The following CHORDC1 variants were observed in gnomAD, a reference collection of about 807,000 sequenced individuals.
CHORDC1 encodes the protein cysteine and histidine rich domain containing 1, also known as cysteine and histidine-rich domain-containing protein 1.
Under a neutral mutation model 48.3 loss-of-function variants are expected in CHORDC1, and 25 were observed. The ratio of observed to expected loss-of-function variants is 0.52; its 90% CI spans 0.38 to 0.72. CHORDC1 has a LOEUF of 0.72. Among genes scored for constraint, CHORDC1 ranks in the 30% least tolerant of loss-of-function variants. The probability of loss-of-function intolerance (pLI) is 0.00; values close to 1 mark genes in which losing one functional copy is unlikely to be tolerated. For synonymous variants in CHORDC1, 128 were observed against 126.4 expected, an observed-to-expected ratio of 1.01 and a Z score of -0.09; for missense variants, 317 against 388.7, an observed-to-expected ratio of 0.82 and a Z score of 1.55.
intron 2 of CHORDC1, chr11:90,216,698 G>A (rs1858021419): frequency 6.6e-6 from 2 of 301,542 alleles, no homozygotes; most frequent in Non-Finnish European, 1.3e-5. Flanking sequence ...TGGACCAAAT[G>A]ATCAGAAAGT....
chr11:90,214,031 T>C lies in CHORDC1; in HGVS notation c.316A>G (p.Ile106Val). Residue 106 changes from isoleucine (I) to valine (V), a missense_variant, in exon 4 of 11, where the codon ATA (isoleucine) becomes GTA (valine). Physicochemically the swap from Ile to Val is conservative, Grantham distance 29. Transcript: ENST00000320585. ...TATAAAGTATACCTTGGTCTTTTTA[T>C]TGCTTCTACTGGCTTAGGGGCTTGA... ...IIQAPKPVEA[I>V]KRPSPDEPMT... is the part of the protein sequence containing the mutation. The C allele has an allele frequency of 6.2e-7, 1 of 1,611,352 alleles. No individual in the cohort carries two copies. Among genetic ancestry groups the C allele is most frequent in the Non-Finnish European group, 8.5e-7 (1 of 1,178,926 alleles).
At chr11:90,206,750 A>G (rs1857701740) in intron 6 of CHORDC1, 1 of 1,260,528 alleles carries the variant, frequency 7.9e-7, no homozygotes, top group Non-Finnish European at 1.0e-6. Flanking sequence ...CTGCAGACCT[A>G]TATATATATC....
chr11:90,203,409 A>C lies in CHORDC1; in HGVS notation c.688T>G (p.Cys230Gly), dbSNP rs768047911. 6.4e-7 allele frequency: 1 copy of C among 1,569,104 alleles called. No homozygotes were observed. Among genetic ancestry groups the C allele is most frequent in the African/African-American group, 1.3e-5 (1 of 74,490 alleles). ...CCAGTCTGATGCCAGTCATGTCTAC[A>C]TGGAACAACTTTTTTCCCCTGTAAT... ...KKDAGKKVVP[C>G]RHDWHQTGGE... Residue 230 changes from cysteine (C) to glycine (G), a missense_variant, in exon 9 of 11, where the codon TGT (cysteine) becomes GGT (glycine). By Grantham distance (159) the Cys-to-Gly change is radical (BLOSUM62 -3). Coordinates refer to ENST00000320585, the MANE Select transcript of CHORDC1 (RefSeq NM_012124.3).
intron 1 of CHORDC1, chr11:90,222,688 G>T (rs913629060): frequency 2.9e-6 from 2 of 700,938 alleles, no homozygotes; most frequent in Non-Finnish European, 5.2e-6. Context: ...CAGGCGCCGG[G>T]GCCGGGCGCT....
intron 4 of CHORDC1, chr11:90,213,315 A>G (rs527801697): frequency 5.3e-5 from 34 of 641,252 alleles, no homozygotes; most frequent in South Asian, 1.0e-4. Flanking sequence ...AAAAATTACA[A>G]TAAGTGCCTA....
intron 1 of CHORDC1, among the ~76,000 whole-genome samples, chr11:90,219,641 G>A (rs1330507948): frequency 6.6e-6 from 1 of 152,222 alleles, no homozygotes; most frequent in Non-Finnish European, 1.5e-5. Flanking sequence ...TCATGCTGCA[G>A]ATAACTAGCC....
chr11:90,219,263 T>TA (rs35204213), intron 1 of CHORDC1, among the ~76,000 whole-genome samples: 19,113 of 151,658 alleles, frequency 0.13, 1,284 homozygotes, highest in South Asian at 0.18. Context: ...GACTCCATCT[T>TA]AAAAAAAACA....
At chr11:90,202,748 G>A in intron 10 of CHORDC1, 65 bp downstream of exon 10, 1 of 1,503,994 alleles carries the variant, frequency 6.6e-7, no homozygotes, top group South Asian at 1.2e-5. Context: ...CTGAAGAATT[G>A]TCTTTTATTC....
rs891808790 is a variant in CHORDC1, at chr11:90,215,648, A to T, written c.115-418T>A. On this transcript the variant is annotated intron_variant, in intron 2 of 10. Transcript: ENST00000320585. The stretch of plus-strand genomic sequence containing the variant: ...TAGTAACTATCTTTAGTTAATTTTA[A>T]TTTCACAATAAGCATTCTATTTTCA... Among the ~76,000 whole-genome samples, 3 of 149,092 alleles carry T rather than the reference A, an allele frequency of 2.0e-5. No individual in the cohort carries two copies. The Admixed American group carries it at 2.0e-4, about 10-fold the overall frequency.
chr11:90,202,288 C>G lies in CHORDC1; in HGVS notation c.*117G>C. 2.0e-6 allele frequency: 2 copies of G among 988,560 alleles called. No homozygotes were observed. The highest frequency in any genetic ancestry group is 3.2e-5 in the South Asian group (2 of 62,204). The allele number at this position is 988,560 out of a possible 1,614,324, so 61.2% of individuals were successfully genotyped here. ...GGCTTTTAAGAACCTAATGTTAACC[C>G]TGAAATGCCACATTCAGTAACACAA... On this transcript the variant is annotated 3_prime_UTR_variant, in exon 11 of 11. Transcript: ENST00000320585.
intron 1 of CHORDC1, 185 bp downstream of exon 1, chr11:90,222,706 G>A (rs1425325844): frequency 2.8e-6 from 2 of 711,910 alleles, no homozygotes; most frequent in Admixed American, 2.0e-5. Context: ...GCTCGCCAAG[G>A]GAACGCGGCG....
chr11:90,201,845 C>T lies in CHORDC1; in HGVS notation c.*560G>A, dbSNP rs1408588205. On this transcript the variant is annotated 3_prime_UTR_variant, in exon 11 of 11. Transcript: ENST00000320585. ...ATTTAAAAATTCAAGTAGTTGTAAA[C>T]AAATTCTAATTTGTTAAACAATTCA... 6.6e-6 allele frequency: 1 copy of T among 152,420 alleles called. No individual in the cohort carries two copies. Among genetic ancestry groups the T allele is most frequent in the African/African-American group, 2.4e-5 (1 of 41,514 alleles). The allele number at this position is 152,420 out of a possible 1,614,324, so 9.4% of individuals were successfully genotyped here. A position where few individuals can be genotyped will look rare whatever the true frequency, so the allele number is the denominator to read the frequency against.
At chr11:90,222,667 C>G (rs1565174867) in intron 1 of CHORDC1, 1 of 694,082 alleles carries the variant, frequency 1.4e-6, no homozygotes, top group Non-Finnish European at 2.6e-6. Flanking sequence ...TCCGCAGTGG[C>G]AGAGGACAGT....
At chr11:90,207,121 C>T (rs1479095558) in intron 6 of CHORDC1, 1 of 207,902 alleles carries the variant, frequency 4.8e-6, no homozygotes, top group African/African-American at 2.3e-5. Context: ...TCCTCTTCAG[C>T]ATCTCCTCTC....
At position 90,206,251 on chromosome 11, in the gene CHORDC1, G is replaced by C; in HGVS notation, c.514C>G (p.Leu172Val). The change falls in exon 7 of 11, where the codon CTA (leucine) becomes GTA (valine). Residue 172 changes from leucine to valine, a missense_variant. Transcript: ENST00000320585. ...CSKTYQGLES[L>V]EEVCVYHSGV... is the part of the protein sequence containing the mutation. ...GAATGATATACACAGACTTCTTCTAGACTCTCTAGACCCTGGTATGTCTAA... is the reference window on the plus strand; with the variant it reads ...GAATGATATACACAGACTTCTTCTACACTCTCTAGACCCTGGTATGTCTAA... 2 of 1,571,062 alleles carry C rather than the reference G, an allele frequency of 1.3e-6. No homozygotes were observed. The highest frequency in any genetic ancestry group is 1.8e-6 in the Non-Finnish European group (2 of 1,140,856).
intron 6 of CHORDC1, chr11:90,208,931 T>G (rs1170325187): frequency 6.6e-6 from 1 of 152,200 alleles, no homozygotes; most frequent in Non-Finnish European, 1.5e-5. Context: ...GGTCTACTTA[T>G]CTCTATTAAT....
chr11:90,222,963 C>A lies in CHORDC1; in HGVS notation c.-9G>T. The A allele has an allele frequency of 6.2e-7, 1 of 1,612,812 alleles. No individual in the cohort carries two copies. Among genetic ancestry groups the A allele is most frequent in the Non-Finnish European group, 8.5e-7 (1 of 1,178,918 alleles). ...TAGCACAGCAAGGCCATTTTCTTTT[C>A]CCACCGTCACAGGCAAGGCCCAAAC... On this transcript the variant is annotated 5_prime_UTR_variant, in exon 1 of 11. Transcript: ENST00000320585.
At chr11:90,218,833 G>C (rs182830925) in intron 1 of CHORDC1, among the ~76,000 whole-genome samples, 37 of 152,068 alleles carry the variant, frequency 2.4e-4, no homozygotes, top group African/African-American at 8.0e-4. Flanking sequence ...AGCCCTGTCT[G>C]GAAAGTGAGG....
In CHORDC1 at chr11:90,202,410, C is replaced by G. The variant is rs1322404188; in HGVS notation, c.994G>C (p.Asp332His). 4 of 1,611,396 alleles carry G rather than the reference C, an allele frequency of 2.5e-6. No individual in the cohort carries two copies. The highest frequency in any genetic ancestry group is 3.4e-6 in the Non-Finnish European group (4 of 1,179,516). Reference sequence around the variant, plus strand: ...GCCTTCCTTCCATCTCCCACTCAATCTGTTGTGGCATCTTTTTGTTTTTCC... The same window carrying G: ...GCCTTCCTTCCATCTCCCACTCAATGTGTTGTGGCATCTTTTTGTTTTTCC... ...KQEKQKDATT[D>H] The change falls in exon 11 of 11, where the codon GAT becomes CAT. Residue 332 changes from aspartate to histidine, a missense_variant. By Grantham distance (81) the Asp-to-His change is moderately conservative (BLOSUM62 -1). Coordinates refer to ENST00000320585, the MANE Select transcript of CHORDC1 (RefSeq NM_012124.3).
Sources: allele counts gnomAD v4.1 joint callset (sites outside exome capture counted in the v4.1 genomes callset), GRCh38; gene constraint gnomAD v4.1.1; transcripts MANE v1.5; gene names NCBI Gene and HGNC (gene_info 2026-07-23, HGNC 2026-07-21).